The following MGAT5 variants were observed in gnomAD, a reference collection of about 807,000 sequenced individuals.
MGAT5 encodes alpha-1,6-mannosylglycoprotein 6-beta-N-acetylglucosaminyltransferase, also known as alpha-1,6-mannosylglycoprotein 6-beta-N-acetylglucosaminyltransferase A.
MGAT5 carries 30 observed loss-of-function variants against 94.3 expected under a neutral mutation model. The ratio of observed to expected loss-of-function variants is 0.32; its 90% CI spans 0.24 to 0.43. MGAT5 has a LOEUF of 0.43. MGAT5 is among the 20% of genes least tolerant of loss of function. MGAT5 has a pLI of 1.00. For synonymous variants in MGAT5, 310 were observed against 322.9 expected (o/e 0.96, Z 0.43); for missense variants, 691 against 905.5 (o/e 0.76, Z 3.04).
chr2:134,385,879 T>G (rs1681940117), intron 10 of MGAT5, among the ~76,000 whole-genome samples: 1 of 152,186 alleles, frequency 6.6e-6, no homozygotes, highest in African/African-American at 2.4e-5. Context: ...GCAGGGTTTT[T>G]TTGTTTGTTT....
intron 7 of MGAT5, among the ~76,000 whole-genome samples, chr2:134,342,306 T>C (rs1332098436): frequency 2.0e-5 from 3 of 152,188 alleles, no homozygotes; most frequent in Non-Finnish European, 4.4e-5. Context: ...ATCCCTTCTA[T>C]ATTGGCATAG....
In MGAT5 at chr2:134,412,876, T is replaced by C. The variant is rs1258901931; in HGVS notation, c.1538T>C (p.Val513Ala). ...TGGTTTTCTGTCTTACAGTTGTTTG[T>C]TGGACTTGGGTTCCCTTACGAGGGC... is the stretch of plus-strand genomic sequence containing the variant. ...QFLLRETKLF[V>A]GLGFPYEGPA... The change falls in exon 12 of 16, where the codon GTT becomes GCT. Residue 513 changes from valine (V) to alanine (A), a missense_variant. Around this residue, in one of 4 missense-constraint regions of MGAT5, gnomAD observed 260 missense variants for 347.0 expected, o/e 0.75. Coordinates refer to ENST00000281923, the MANE Select transcript of MGAT5 (RefSeq NM_002410.5). 1.9e-6 allele frequency: 3 copies of C among 1,613,998 alleles called. No homozygotes were observed. Among genetic ancestry groups the C allele is most frequent in the African/African-American group, 2.7e-5 (2 of 74,920 alleles).
At chr2:134,326,271 T>C (rs1157680587) in intron 4 of MGAT5, among the ~76,000 whole-genome samples, 1 of 152,208 alleles carries the variant, frequency 6.6e-6, no homozygotes, top group Admixed American at 6.6e-5. Flanking sequence ...TTGCTTGCTT[T>C]TTGTTTTTTA....
Position 134,428,456 on chromosome 2 carries a change from G to A in MGAT5, c.1869+17G>A. ...GAAAAACAGGTAAGGCTTATCAGAA[G>A]TCAGTCTGTCTTTGCTGTGTACTGC... On this transcript the variant is annotated intron_variant, in intron 14 of 15. Transcript: ENST00000281923. 6.2e-7 allele frequency: 1 copy of A among 1,609,892 alleles called. No homozygotes were observed. The highest frequency in any genetic ancestry group is 8.5e-7 in the Non-Finnish European group (1 of 1,176,696).
chr2:134,382,061 C>G (rs963470808), intron 10 of MGAT5, among the ~76,000 whole-genome samples: 1 of 152,148 alleles, frequency 6.6e-6, no homozygotes, highest in Admixed American at 6.5e-5. Context: ...CTCAGCCAAG[C>G]TGTTGCTCTT....
chr2:134,290,246 A>G (rs1206599572), intron 2 of MGAT5, among the ~76,000 whole-genome samples: 1 of 152,180 alleles, frequency 6.6e-6, no homozygotes, highest in Non-Finnish European at 1.5e-5. Context: ...CACTTGTTGT[A>G]TTGTTGTGCG....
rs913247102 is a variant in MGAT5, at chr2:134,452,144, T to A, written c.*3297T>A. 13 of 152,340 alleles carry A rather than the reference T, an allele frequency of 8.5e-5. No individual in the cohort carries two copies. Among genetic ancestry groups the A allele is most frequent in the African/African-American group, 3.1e-4 (13 of 41,550 alleles). The allele number at this position is 152,340 out of a possible 1,614,324, so 9.4% of individuals were successfully genotyped here. A position where few individuals can be genotyped will look rare whatever the true frequency, so the allele number is the denominator to read the frequency against. ...TTGAAGCTGGACACCAGACGCTCCC[T>A]ATAACCCCCCCGCCAGGCCATAGCG... is the stretch of plus-strand genomic sequence containing the variant. On this transcript the variant is annotated 3_prime_UTR_variant, in exon 16 of 16. Coordinates refer to ENST00000281923, the MANE Select transcript of MGAT5 (RefSeq NM_002410.5).
At chr2:134,200,401 C>CT (rs1268909490) in intron 1 of MGAT5, among the ~76,000 whole-genome samples, 1 of 152,200 alleles carries the variant, frequency 6.6e-6, no homozygotes, top group African/African-American at 2.4e-5. Context: ...TGCAGTGATG[C>CT]TGCCTTCACA....
chr2:134,395,244 C>T (rs1475627890), intron 10 of MGAT5, among the ~76,000 whole-genome samples: 1 of 152,224 alleles, frequency 6.6e-6, no homozygotes, highest in African/African-American at 2.4e-5. Flanking sequence ...CTTCTTAAAG[C>T]AGAAAGGAGG....
intron 1 of MGAT5, among the ~76,000 whole-genome samples, chr2:134,261,560 A>T (rs538752606): frequency 6.6e-6 from 1 of 152,184 alleles, no homozygotes; most frequent in Admixed American, 6.5e-5. Context: ...GAACACAGCC[A>T]TGCGCATTCC....
At chr2:134,124,565 C>T (rs961360470) in intron 1 of MGAT5, among the ~76,000 whole-genome samples, 2 of 152,224 alleles carry the variant, frequency 1.3e-5, no homozygotes, top group African/African-American at 2.4e-5. Context: ...GTCTTGTAAA[C>T]TAGCACTCTC....
At chr2:134,303,392 C>T (rs112341114) in intron 2 of MGAT5, among the ~76,000 whole-genome samples, 2,644 of 152,200 alleles carry the variant, frequency 0.017, 85 homozygotes, top group African/African-American at 0.06. Context: ...TGTCTGGGTT[C>T]GGTAAACTTC....
intron 11 of MGAT5, among the ~76,000 whole-genome samples, chr2:134,403,481 G>A (rs1324878352): frequency 6.6e-6 from 1 of 152,200 alleles, no homozygotes; most frequent in African/African-American, 2.4e-5. Flanking sequence ...AGCCAGGGGT[G>A]CTGAACTCTT....
chr2:134,228,330 T>C (rs1681171569), intron 1 of MGAT5, among the ~76,000 whole-genome samples: 1 of 152,240 alleles, frequency 6.6e-6, no homozygotes. Context: ...AGTCTGCCCT[T>C]GGCAAATTAT....
rs1680254688 is a variant in MGAT5 at position 134,212,455 on chromosome 2, G to C, written c.-142-41807G>C. On this transcript the variant is annotated intron_variant, in intron 1 of 16. Transcript: ENST00000409645. Reference sequence around the variant, plus strand: ...CTGCCTTCATTTCGTTATGTACCCAGTAGTCATTCAGGAGCAGGTTGTTCA... The same window carrying C: ...CTGCCTTCATTTCGTTATGTACCCACTAGTCATTCAGGAGCAGGTTGTTCA... 6.2e-5 allele frequency among the ~76,000 whole-genome samples: 2 copies of C among 32,336 alleles called. 1 individual carries two copies. The highest frequency in any genetic ancestry group is 7.7e-4 in the Admixed American group (2 of 2,614). 21.2% of individuals were successfully genotyped at this position (32,336 alleles called of 152,430 possible). A position where few individuals can be genotyped will look rare whatever the true frequency, so the allele number is the denominator to read the frequency against.
At chr2:134,394,333 G>GA (rs1222275204) in intron 10 of MGAT5, among the ~76,000 whole-genome samples, 6 of 151,866 alleles carry the variant, frequency 4.0e-5, no homozygotes, top group South Asian at 2.1e-4. Flanking sequence ...TGCTTCATAT[G>GA]AAAAAAAACT....
chr2:134,321,475 C>T (rs928403539), intron 4 of MGAT5, among the ~76,000 whole-genome samples: 1 of 152,160 alleles, frequency 6.6e-6, no homozygotes, highest in African/African-American at 2.4e-5. Flanking sequence ...CTTTGTCACA[C>T]TTCACCCCTG....
At position 134,362,338 on chromosome 2, in the gene MGAT5, T is replaced by A. The variant is rs148183644; in HGVS notation, c.1310T>A (p.Ile437Asn). The change falls in exon 10 of 16, where the codon ATC becomes AAC. Residue 437 changes from isoleucine (I) to asparagine (N), a missense_variant. Transcript: ENST00000281923. ...VVEQHLNSSD[I>N]HHINEIKRQN... ...GAGCAGCACCTGAACTCCAGTGATA[T>A]CCACCACATTAATGAAATCAAAAGG... 1.9e-6 allele frequency: 3 copies of A among 1,614,088 alleles called. No homozygotes were observed.
chr2:134,432,590 A>G (rs759925014), intron 14 of MGAT5, among the ~76,000 whole-genome samples: 6 of 152,200 alleles, frequency 3.9e-5, no homozygotes, highest in Non-Finnish European at 7.3e-5. Context: ...TGAGAAATCA[A>G]TAGCTTTTGT....
Sources: allele counts gnomAD v4.1 joint callset (sites outside exome capture counted in the v4.1 genomes callset), GRCh38; gene constraint gnomAD v4.1.1; regional missense constraint gnomAD v4.1.1; transcripts MANE v1.5; gene names NCBI Gene and HGNC (gene_info 2026-07-23, HGNC 2026-07-21).